Variants in KCNH7 observed in about 807,000 individuals in gnomAD.
KCNH7 encodes the protein voltage-gated inwardly rectifying potassium channel KCNH7.
In KCNH7, 49 loss-of-function variants were observed where a neutral mutation model predicts 120.8. That is an observed-to-expected ratio of 0.41 (90% CI 0.32 to 0.51). KCNH7 has a LOEUF of 0.51. KCNH7 is among the 20% of genes least tolerant of loss of function. KCNH7 has a pLI of 0.38. For missense variants in KCNH7, 1,097 were observed against 1,446.6 expected (o/e 0.76, Z 3.92); for synonymous variants, 547 against 516.1 (o/e 1.06, Z -0.81).
intron 2 of KCNH7, among the ~76,000 whole-genome samples, chr2:162,644,959 G>A (rs1684299101): frequency 1.3e-5 from 2 of 152,100 alleles, no homozygotes; most frequent in South Asian, 4.1e-4. Context: ...CAATATATGT[G>A]TGTGTGTATA....
At chr2:162,642,264 T>A (rs145818014) in intron 2 of KCNH7, among the ~76,000 whole-genome samples, 46 of 152,334 alleles carry the variant, frequency 3.0e-4, no homozygotes, top group African/African-American at 1.1e-3. Flanking sequence ...GTATTGATTA[T>A]CCCATTTGTT....
intron 2 of KCNH7, among the ~76,000 whole-genome samples, chr2:162,708,328 G>C (rs1164024803): frequency 6.6e-6 from 1 of 152,026 alleles, no homozygotes. Flanking sequence ...GTAAAGCTAA[G>C]GTGGGTTTAT....
intron 2 of KCNH7, among the ~76,000 whole-genome samples, chr2:162,735,868 T>A (rs1196930720): frequency 1.3e-5 from 2 of 152,192 alleles, no homozygotes; most frequent in Non-Finnish European, 2.9e-5. Context: ...CCCGTCAAGC[T>A]GTGACAATTT....
chr2:162,498,091 A>C (rs1247456312), intron 6 of KCNH7, among the ~76,000 whole-genome samples: 1 of 152,032 alleles, frequency 6.6e-6, no homozygotes, highest in Non-Finnish European at 1.5e-5. Context: ...ACTAGTAGTA[A>C]ATTTTTTCTC....
intron 2 of KCNH7, among the ~76,000 whole-genome samples, chr2:162,808,833 T>G (rs2105562528): frequency 6.6e-6 from 1 of 152,192 alleles, no homozygotes; most frequent in East Asian, 1.9e-4. Flanking sequence ...AGCTACACAA[T>G]AGAAAACAAA....
chr2:162,520,159 T>C (rs1691470344), intron 3 of KCNH7, among the ~76,000 whole-genome samples: 1 of 144,250 alleles, frequency 6.9e-6, no homozygotes, highest in South Asian at 2.2e-4. Context: ...CCCAGGCTTT[T>C]TTTTTTTTTT....
intron 6 of KCNH7, among the ~76,000 whole-genome samples, chr2:162,478,081 T>G (rs559865861): frequency 6.6e-6 from 1 of 152,274 alleles, no homozygotes; most frequent in African/African-American, 2.4e-5. Context: ...TAACTCAGGT[T>G]AAGGAAGGCA....
intron 6 of KCNH7, among the ~76,000 whole-genome samples, chr2:162,497,687 C>A (rs1247474395): frequency 6.6e-6 from 1 of 152,134 alleles, no homozygotes; most frequent in Non-Finnish European, 1.5e-5. Context: ...ACTATAAGAC[C>A]TAAGCAAGTT....
At chr2:162,642,778 C>T (rs1684211529) in intron 2 of KCNH7, among the ~76,000 whole-genome samples, 1 of 152,188 alleles carries the variant, frequency 6.6e-6, no homozygotes, top group Non-Finnish European at 1.5e-5. Context: ...CATCATGCAG[C>T]TGTGTTCTTG....
chr2:162,574,434 A>G (rs1297489062), intron 2 of KCNH7, among the ~76,000 whole-genome samples: 3 of 151,822 alleles, frequency 2.0e-5, no homozygotes, highest in Non-Finnish European at 4.4e-5. Flanking sequence ...ACTCAATTAT[A>G]TACCTGTTAG....
intron 2 of KCNH7, among the ~76,000 whole-genome samples, chr2:162,588,013 T>C (rs888932070): frequency 6.6e-6 from 1 of 152,090 alleles, no homozygotes. Context: ...AAGCCAGCCA[T>C]GCTATTGAAT....
chr2:162,822,081 G>A (rs896598623), intron 2 of KCNH7, among the ~76,000 whole-genome samples: 1 of 69,332 alleles, frequency 1.4e-5, no homozygotes, highest in Non-Finnish European at 4.0e-5. Context: ...TTTGATTGAG[G>A]CCATAATCTC....
intron 8 of KCNH7, among the ~76,000 whole-genome samples, chr2:162,426,290 C>A (rs998298935): frequency 2.7e-5 from 4 of 149,184 alleles, no homozygotes. Context: ...TTTAAATTAT[C>A]ATAAAGACAT....
intron 6 of KCNH7, among the ~76,000 whole-genome samples, chr2:162,461,589 A>G (rs111574624): frequency 0.022 from 3,340 of 152,342 alleles, 115 homozygotes; most frequent in African/African-American, 0.076. Context: ...CAATTATGCA[A>G]TGATAGATAA....
chr2:162,768,633 G>A (rs1345707428), intron 2 of KCNH7, among the ~76,000 whole-genome samples: 3 of 152,172 alleles, frequency 2.0e-5, no homozygotes, highest in African/African-American at 7.2e-5. Flanking sequence ...AAAGGAGGAT[G>A]AAGGAAGGTT....
intron 8 of KCNH7, among the ~76,000 whole-genome samples, chr2:162,431,699 C>A (rs911500594): frequency 4.0e-5 from 6 of 151,880 alleles, no homozygotes; most frequent in Non-Finnish European, 7.4e-5. Flanking sequence ...TTACTGTAAT[C>A]AATTTGATTA....
chr2:162,665,975 G>A (rs1313389548), intron 2 of KCNH7, among the ~76,000 whole-genome samples: 4 of 152,106 alleles, frequency 2.6e-5, no homozygotes, highest in Non-Finnish European at 5.9e-5. Flanking sequence ...CACTGATAGC[G>A]ATTCAAGGGT....
At chr2:162,442,125 A>G (rs931984493) in intron 7 of KCNH7, among the ~76,000 whole-genome samples, 6 of 141,788 alleles carry the variant, frequency 4.2e-5, no homozygotes, top group African/African-American at 1.6e-4. Context: ...TCCCAGGTTC[A>G]CACCATTCTC....
chr2:162,769,306 C>T (rs1242122684), intron 2 of KCNH7, among the ~76,000 whole-genome samples: 2 of 152,078 alleles, frequency 1.3e-5, no homozygotes, highest in African/African-American at 4.8e-5. Flanking sequence ...TTTTTCTCAA[C>T]AGGAGGAAAA....
Sources: gnomAD v4.1 joint callset for allele counts (sites outside exome capture counted in the v4.1 genomes callset) on GRCh38, gnomAD v4.1.1 for gene constraint, MANE v1.5 for transcripts, NCBI Gene and HGNC (gene_info 2026-07-23, HGNC 2026-07-21) for gene names.